The following DLG2 variants were observed in gnomAD, a reference collection of about 807,000 sequenced individuals.
The protein encoded by DLG2 is disks large homolog 2.
Under a neutral mutation model 132.5 loss-of-function variants are expected in DLG2, and 45 were observed. That is an observed-to-expected ratio of 0.34 (90% CI 0.27 to 0.44). DLG2 has a LOEUF of 0.44. DLG2 is among the 20% of genes least tolerant of loss of function. The probability of loss-of-function intolerance (pLI) is 1.00; values close to 1 mark genes in which losing one functional copy is unlikely to be tolerated. For missense variants in DLG2, 1,045 were observed against 1,196.9 expected (o/e 0.87, Z 1.87); for synonymous variants, 424 against 419.6 (o/e 1.01, Z -0.13).
intron 7 of DLG2, among the ~76,000 whole-genome samples, chr11:84,448,155 T>C (rs2099041039): frequency 6.6e-6 from 1 of 152,116 alleles, no homozygotes; most frequent in African/African-American, 2.4e-5. Context: ...TCACCTAACC[T>C]GACTGCTTTG....
Position 84,444,425 on chromosome 11 carries a change from T to A in DLG2, c.519+90145A>T, listed in dbSNP as rs568051781. ...AATAACAATTAAAAATAGTAATTTA[T>A]GGTGGAAGGTAGGAATCTATATTTT... On this transcript the variant is annotated intron_variant, in intron 7 of 27. Transcript: ENST00000376104. Among the ~76,000 whole-genome samples the A allele has an allele frequency of 1.1e-4, 17 of 152,318 alleles. No homozygotes were observed. The East Asian group carries it at 3.3e-3, about 29-fold the overall frequency.
At chr11:85,489,100 T>C (rs1217500725) in intron 3 of DLG2, among the ~76,000 whole-genome samples, 1 of 152,096 alleles carries the variant, frequency 6.6e-6, no homozygotes, top group Non-Finnish European at 1.5e-5. Context: ...CATATACAAT[T>C]ACAGGCTCCA....
At chr11:85,434,819 T>C (rs908824844) in intron 3 of DLG2, among the ~76,000 whole-genome samples, 1 of 152,198 alleles carries the variant, frequency 6.6e-6, no homozygotes, top group South Asian at 2.1e-4. Context: ...CAGCTCATTT[T>C]ATGAGGCCAG....
intron 6 of DLG2, among the ~76,000 whole-genome samples, chr11:85,060,258 T>A (rs1243757933): frequency 2.0e-5 from 3 of 151,314 alleles, no homozygotes; most frequent in African/African-American, 7.3e-5. Flanking sequence ...TTGTTGTACA[T>A]ATTGTAGCAT....
chr11:85,254,973 T>A (rs2076593446), intron 4 of DLG2, among the ~76,000 whole-genome samples: 1 of 148,556 alleles, frequency 6.7e-6, no homozygotes. Context: ...CACTCCAGCC[T>A]GGGCAACAGA....
At chr11:84,338,010 A>T (rs1421931405) in intron 7 of DLG2, among the ~76,000 whole-genome samples, 1 of 152,242 alleles carries the variant, frequency 6.6e-6, no homozygotes, top group Admixed American at 6.5e-5. Flanking sequence ...ACACTTGGAA[A>T]TATGAAAATA....
At chr11:83,826,580 T>C (rs1595015065) in intron 17 of DLG2, among the ~76,000 whole-genome samples, 2 of 152,156 alleles carry the variant, frequency 1.3e-5, no homozygotes, top group African/African-American at 2.4e-5. Context: ...AACTTCCACA[T>C]GGTTTCTGGA....
intron 7 of DLG2, among the ~76,000 whole-genome samples, chr11:84,327,772 C>T (rs187950724): frequency 6.6e-6 from 1 of 152,238 alleles, no homozygotes; most frequent in African/African-American, 2.4e-5. Context: ...TATTATGTGT[C>T]CATTAACTTA....
chr11:85,172,358 G>A (rs752706156), intron 4 of DLG2, among the ~76,000 whole-genome samples: 1 of 152,188 alleles, frequency 6.6e-6, no homozygotes, highest in Admixed American at 6.5e-5. Flanking sequence ...CCAGGAAACT[G>A]CAGCAGCTCT....
chr11:84,476,784 G>A (rs186218480), intron 7 of DLG2, among the ~76,000 whole-genome samples: 182 of 152,252 alleles, frequency 1.2e-3, no homozygotes, highest in African/African-American at 4.2e-3. Flanking sequence ...CAGAGAGCCA[G>A]CACCAACTGC....
intron 6 of DLG2, among the ~76,000 whole-genome samples, chr11:84,795,508 C>T (rs1375280791): frequency 1.3e-5 from 2 of 152,158 alleles, no homozygotes; most frequent in African/African-American, 2.4e-5. Context: ...CTGCAGGTCT[C>T]CTCTGAGCTG....
At chr11:83,643,325 T>C (rs533123694) in intron 18 of DLG2, among the ~76,000 whole-genome samples, 2 of 152,280 alleles carry the variant, frequency 1.3e-5, no homozygotes, top group Non-Finnish European at 2.9e-5. Flanking sequence ...AAATGGAAAC[T>C]TCAGATATTA....
chr11:85,556,027 T>C (rs76690915), intron 3 of DLG2, among the ~76,000 whole-genome samples: 3,043 of 151,914 alleles, frequency 0.02, 105 homozygotes, highest in Admixed American at 0.037. Flanking sequence ...CCTTTTTTTA[T>C]TGATCTATTG....
chr11:84,900,465 A>G (rs1288910304), intron 6 of DLG2, among the ~76,000 whole-genome samples: 2 of 152,086 alleles, frequency 1.3e-5, no homozygotes, highest in African/African-American at 4.8e-5. Flanking sequence ...GGGAATGAAA[A>G]GTAACTAGAG....
intron 6 of DLG2, among the ~76,000 whole-genome samples, chr11:84,780,509 A>G (rs999839612): frequency 6.6e-6 from 1 of 152,110 alleles, no homozygotes; most frequent in African/African-American, 2.4e-5. Context: ...TGGTAAGTTT[A>G]TGTTTAACTT....
In DLG2 at chr11:85,282,846, T is replaced by A. The variant is rs547331764; in HGVS notation, c.186+2374A>T. Among the ~76,000 whole-genome samples, 16 of 152,094 alleles carry A rather than the reference T, an allele frequency of 1.1e-4. No homozygotes were observed. In the South Asian group the frequency reaches 3.3e-3, roughly 32 times the overall value. On this transcript the variant is annotated intron_variant, in intron 4 of 27. Transcript: ENST00000376104. ...GACATGGAATTAACCTAAATGTCCATCAGTGGTAGCCTGGATAAAGAAAAT... is the reference window on the plus strand; with the variant it reads ...GACATGGAATTAACCTAAATGTCCAACAGTGGTAGCCTGGATAAAGAAAAT...
intron 7 of DLG2, among the ~76,000 whole-genome samples, chr11:84,371,006 C>CT (rs1016096818): frequency 7.9e-5 from 12 of 152,076 alleles, no homozygotes; most frequent in African/African-American, 2.9e-4. Context: ...TCCATTCTGG[C>CT]TTTTTTATAA....
chr11:84,285,903 A>G (rs912240262), intron 7 of DLG2, among the ~76,000 whole-genome samples: 1 of 152,218 alleles, frequency 6.6e-6, no homozygotes, highest in Non-Finnish European at 1.5e-5. Context: ...TATTTGTTGG[A>G]TAAATGAATG....
intron 21 of DLG2, among the ~76,000 whole-genome samples, chr11:83,506,051 A>G (rs531213954): frequency 6.6e-6 from 1 of 152,276 alleles, no homozygotes; most frequent in East Asian, 1.9e-4. Flanking sequence ...TGCTGATGGA[A>G]TGCTGCTGTG....
Sources: allele counts gnomAD v4.1 joint callset (sites outside exome capture counted in the v4.1 genomes callset), GRCh38; gene constraint gnomAD v4.1.1; transcripts MANE v1.5; gene names NCBI Gene and HGNC (gene_info 2026-07-23, HGNC 2026-07-21).